RYR2: variants seen among roughly 807,000 people sequenced by gnomAD.
The protein encoded by RYR2 is cardiac muscle ryanodine receptor-calcium release channel.
A neutral mutation model predicts 601.1 loss-of-function variants in RYR2; 227 were observed. The observed-to-expected ratio is 0.38, with a 90% CI of 0.34 to 0.42. The LOEUF is 0.42. Among genes scored for constraint, RYR2 ranks in the 10% least tolerant of loss-of-function variants. The pLI, the probability that RYR2 is intolerant of heterozygous loss-of-function variation, is 1.00. For missense variants in RYR2, 4,646 were observed against 6,156.5 expected (o/e 0.75, Z 8.21); for synonymous variants, 2,223 against 2,175.1 (o/e 1.02, Z -0.61).
At chr1:237,596,697 T>C (rs1180418970) in intron 34 of RYR2, among the ~76,000 whole-genome samples, 1 of 152,194 alleles carries the variant, frequency 6.6e-6, no homozygotes, top group Non-Finnish European at 1.5e-5. Context: ...AGAAAAGTCC[T>C]TTCCAAGGCA....
rs1206307478 is a variant in RYR2, at chr1:237,042,402, G to T, written c.-120G>T. The T allele has an allele frequency of 3.9e-5, 39 of 995,340 alleles. No homozygotes were observed. Among genetic ancestry groups the T allele is most frequent in the Non-Finnish European group, 5.0e-5 (39 of 783,520 alleles). The allele number at this position is 995,340 out of a possible 1,614,324, so 61.7% of individuals were successfully genotyped here. A position where few individuals can be genotyped will look rare whatever the true frequency, so the allele number is the denominator to read the frequency against. ...ACCGCCCGGCGCTCGGCACCCGGCA[G>T]CGCGGCCCCCTCCAGCCCCCGGCTC... On this transcript the variant is annotated 5_prime_UTR_variant, in exon 1 of 105. Coordinates refer to ENST00000366574, the MANE Select transcript of RYR2 (RefSeq NM_001035.3).
intron 1 of RYR2, among the ~76,000 whole-genome samples, chr1:237,110,087 G>T (rs559974508): frequency 6.6e-6 from 1 of 152,054 alleles, no homozygotes; most frequent in South Asian, 2.1e-4. Flanking sequence ...TTTGTGGAAT[G>T]ATAGGCCCAT....
chr1:237,067,005 A>T (rs978095821), intron 1 of RYR2, among the ~76,000 whole-genome samples: 1 of 152,168 alleles, frequency 6.6e-6, no homozygotes, highest in African/African-American at 2.4e-5. Context: ...CTTTATAAAA[A>T]ATGCTGAATT....
At chr1:237,373,652 T>C (rs1158284267) in intron 6 of RYR2, among the ~76,000 whole-genome samples, 1 of 152,112 alleles carries the variant, frequency 6.6e-6, no homozygotes, top group Non-Finnish European at 1.5e-5. Context: ...GCTTGAAAAA[T>C]GATCCTAAAC....
chr1:237,404,602 A>C (rs1267531876), intron 10 of RYR2, among the ~76,000 whole-genome samples: 1 of 152,224 alleles, frequency 6.6e-6, no homozygotes, highest in Non-Finnish European at 1.5e-5. Flanking sequence ...CATCCTGTAT[A>C]TAATTCCTCC....
In RYR2 at chr1:237,639,136, C is replaced by T. The variant is rs1573272712; in HGVS notation, c.7050C>T (p.Ala2350=). 6.2e-7 allele frequency: 1 copy of T among 1,613,746 alleles called. No individual in the cohort carries two copies. Among genetic ancestry groups the T allele is most frequent in the Non-Finnish European group, 8.5e-7 (1 of 1,179,824 alleles). ...GNGLLAAMEE[A]IKIAEDPSRD... is the part of the protein sequence containing the mutation. The stretch of plus-strand genomic sequence containing the variant: ...GGCTTCTTGCAGCAATGGAAGAAGC[C>T]ATCAAAATCGCCGAGGATCCTTCCC... Residue 2350 remains alanine (A), a synonymous_variant, in exon 46 of 105, where the codon GCC becomes GCT. Coordinates refer to ENST00000366574, the MANE Select transcript of RYR2 (RefSeq NM_001035.3).
chr1:237,142,454 T>G (rs1423456179), intron 1 of RYR2, among the ~76,000 whole-genome samples: 1 of 152,158 alleles, frequency 6.6e-6, no homozygotes, highest in Non-Finnish European at 1.5e-5. Flanking sequence ...GAAGAACACT[T>G]CTGGGGCTTG....
intron 1 of RYR2, among the ~76,000 whole-genome samples, chr1:237,109,029 G>A (rs566468450): frequency 2.7e-4 from 41 of 152,230 alleles, no homozygotes; most frequent in Middle Eastern, 3.4e-3. Flanking sequence ...TCTTGCCTTT[G>A]TGTCTATGTA....
At chr1:237,401,369 C>T (rs1703330465) in intron 10 of RYR2, among the ~76,000 whole-genome samples, 1 of 151,656 alleles carries the variant, frequency 6.6e-6, no homozygotes, top group African/African-American at 2.4e-5. Flanking sequence ...AAATGGGATC[C>T]CCAGACCACT....
At chr1:237,458,778 A>G (rs1483426600) in intron 16 of RYR2, among the ~76,000 whole-genome samples, 1 of 152,224 alleles carries the variant, frequency 6.6e-6, no homozygotes, top group Admixed American at 6.5e-5. Flanking sequence ...TTTAATGGGA[A>G]GAATTTAGTC....
chr1:237,534,829 T>C (rs777467760), intron 25 of RYR2, among the ~76,000 whole-genome samples: 1 of 152,054 alleles, frequency 6.6e-6, no homozygotes, highest in Non-Finnish European at 1.5e-5. Flanking sequence ...TTTGGTTTCA[T>C]TTATTTTATT....
chr1:237,443,465 T>C (rs933200516), intron 13 of RYR2, among the ~76,000 whole-genome samples: 7 of 152,192 alleles, frequency 4.6e-5, no homozygotes, highest in African/African-American at 1.7e-4. Flanking sequence ...AAAAATCATG[T>C]GTTGTGTCTT....
chr1:237,412,324 G>A (rs970032565), intron 10 of RYR2, among the ~76,000 whole-genome samples: 5 of 152,210 alleles, frequency 3.3e-5, no homozygotes, highest in Admixed American at 6.6e-5. Flanking sequence ...AGTTTTATGC[G>A]ATCAGCCTGA....
intron 1 of RYR2, 181 bp from the exon 2 acceptor site, chr1:237,270,316 T>C (rs1364586470): frequency 2.2e-6 from 2 of 889,376 alleles, no homozygotes; most frequent in Non-Finnish European, 3.6e-6. Context: ...TTTTTGCAAA[T>C]AAAAAGTACG....
intron 1 of RYR2, among the ~76,000 whole-genome samples, chr1:237,182,921 A>G (rs1678945446): frequency 6.6e-6 from 1 of 152,206 alleles, no homozygotes; most frequent in Non-Finnish European, 1.5e-5. Flanking sequence ...GGGACCTGAT[A>G]TGATTGAATT....
intron 1 of RYR2, among the ~76,000 whole-genome samples, chr1:237,265,347 G>T (rs1175080880): frequency 2.6e-5 from 4 of 152,006 alleles, no homozygotes; most frequent in African/African-American, 7.2e-5. Flanking sequence ...TTTTGAGCGG[G>T]ATCTTGCTCA....
intron 81 of RYR2, among the ~76,000 whole-genome samples, chr1:237,756,609 G>A (rs1692976517): frequency 6.6e-6 from 1 of 151,044 alleles, no homozygotes; most frequent in Non-Finnish European, 1.5e-5. Flanking sequence ...TTTTCATTCT[G>A]TTCTTTAAGT....
chr1:237,043,981 G>T (rs370099599), intron 1 of RYR2, among the ~76,000 whole-genome samples: 1 of 152,156 alleles, frequency 6.6e-6, no homozygotes, highest in South Asian at 2.1e-4. Context: ...CTTTGGGAAG[G>T]ATAAAAACCC....
chr1:237,250,035 T>C (rs1388964619), intron 1 of RYR2, among the ~76,000 whole-genome samples: 1 of 152,242 alleles, frequency 6.6e-6, no homozygotes, highest in Admixed American at 6.5e-5. Flanking sequence ...GAAATGCATT[T>C]TTTAGGCAAC....
Sources: gnomAD v4.1 joint callset for allele counts (sites outside exome capture counted in the v4.1 genomes callset) on GRCh38, gnomAD v4.1.1 for gene constraint, MANE v1.5 for transcripts, NCBI Gene and HGNC (gene_info 2026-07-23, HGNC 2026-07-21) for gene names.